The following SDK1 variants were observed in gnomAD, a reference collection of about 807,000 sequenced individuals.
SDK1 encodes the protein protein sidekick-1.
In SDK1, 157 loss-of-function variants were observed where a neutral mutation model predicts 245.5. The ratio of observed to expected loss-of-function variants is 0.64; its 90% confidence interval spans 0.56 to 0.73. The LOEUF is 0.73. Ranked by LOEUF, SDK1 falls within the 30% of genes least tolerant of loss-of-function variation. The probability of loss-of-function intolerance (pLI) is 0.00; values close to 1 mark genes in which losing one functional copy is unlikely to be tolerated. For synonymous variants in SDK1, 1,647 were observed against 1,278.5 expected (o/e 1.29, Z -6.15); for missense variants, 3,583 against 3,002.3 (o/e 1.19, Z -4.52).
At chr7:3,391,515 T>G (rs908379458) in intron 1 of SDK1, among the ~76,000 whole-genome samples, 1 of 152,114 alleles carries the variant, frequency 6.6e-6, no homozygotes, top group East Asian at 1.9e-4. Flanking sequence ...AAAATTTCTT[T>G]CCACAAAGGA....
At chr7:3,553,492 C>T (rs1247660289) in intron 1 of SDK1, among the ~76,000 whole-genome samples, 1 of 152,102 alleles carries the variant, frequency 6.6e-6, no homozygotes, top group African/African-American at 2.4e-5. Context: ...GACACAATGG[C>T]AGGGCATCTC....
intron 1 of SDK1, among the ~76,000 whole-genome samples, chr7:3,596,915 G>A (rs558128447): frequency 5.3e-5 from 8 of 152,258 alleles, no homozygotes; most frequent in African/African-American, 1.2e-4. Flanking sequence ...ACAGCTTAGC[G>A]TCTGCCTTAC....
chr7:3,800,972 C>G (rs1399475574), intron 4 of SDK1, among the ~76,000 whole-genome samples: 2 of 152,144 alleles, frequency 1.3e-5, no homozygotes, highest in African/African-American at 4.8e-5. Context: ...TTTTTACACC[C>G]TTTGTCCTTC....
intron 5 of SDK1, among the ~76,000 whole-genome samples, chr7:3,942,127 C>T (rs918891855): frequency 6.6e-6 from 1 of 152,052 alleles, no homozygotes; most frequent in Non-Finnish European, 1.5e-5. Flanking sequence ...AGGATGGTCT[C>T]GATCTCCTGA....
At chr7:4,173,897 C>G (rs684443) in intron 32 of SDK1, among the ~76,000 whole-genome samples, 120,004 of 152,220 alleles carry the variant, frequency 0.79, 48,045 homozygotes, top group African/African-American at 0.94. Context: ...CACACAGCAC[C>G]CAGCCTCCTC....
intron 30 of SDK1, among the ~76,000 whole-genome samples, chr7:4,154,823 G>A (rs1305498004): frequency 1.3e-5 from 2 of 152,150 alleles, no homozygotes; most frequent in African/African-American, 4.8e-5. Flanking sequence ...GCTTGGAAGT[G>A]TGAACAGAGT....
At chr7:3,948,664 C>T (rs965116199) in intron 5 of SDK1, among the ~76,000 whole-genome samples, 12 of 152,210 alleles carry the variant, frequency 7.9e-5, no homozygotes, top group African/African-American at 2.9e-4. Flanking sequence ...GCGGTGCCTG[C>T]GGCACTTGGC....
intron 4 of SDK1, among the ~76,000 whole-genome samples, chr7:3,701,939 A>G (rs113764051): frequency 0.021 from 3,084 of 149,990 alleles, 111 homozygotes; most frequent in African/African-American, 0.073. Flanking sequence ...AAAAAAAAAA[A>G]AAAAAAGAAA....
At chr7:3,310,524 G>A (rs1481089058) in intron 1 of SDK1, among the ~76,000 whole-genome samples, 1 of 152,150 alleles carries the variant, frequency 6.6e-6, no homozygotes, top group Non-Finnish European at 1.5e-5. Context: ...GAAGGTGAAT[G>A]AGAAAACATC....
At chr7:4,015,591 T>C (rs572927811) in intron 16 of SDK1, among the ~76,000 whole-genome samples, 1 of 152,364 alleles carries the variant, frequency 6.6e-6, no homozygotes, top group East Asian at 1.9e-4. Context: ...GTCGGTGATC[T>C]GAACACCACC....
intron 1 of SDK1, among the ~76,000 whole-genome samples, chr7:3,503,614 C>T (rs571150146): frequency 6.6e-6 from 1 of 152,198 alleles, no homozygotes; most frequent in South Asian, 2.1e-4. Context: ...GGGTTTGAGG[C>T]TGCAGTACGC....
intron 4 of SDK1, among the ~76,000 whole-genome samples, chr7:3,742,012 A>ATATATATATATATG (rs1554256842): frequency 8.5e-4 from 123 of 145,256 alleles, no homozygotes; most frequent in Non-Finnish European, 1.5e-3. Flanking sequence ...ATATATATAT[A>ATATATATATATATG]TGCTGTATTT....
intron 5 of SDK1, among the ~76,000 whole-genome samples, chr7:3,933,601 T>G (rs1780056991): frequency 6.6e-6 from 1 of 152,182 alleles, no homozygotes. Context: ...TTCATGCTCC[T>G]CAAACTTGAA....
intron 1 of SDK1, among the ~76,000 whole-genome samples, chr7:3,452,665 A>G (rs1247288914): frequency 6.6e-6 from 1 of 152,172 alleles, no homozygotes; most frequent in African/African-American, 2.4e-5. Flanking sequence ...AACTTCCTAC[A>G]ATATTGTCCT....
intron 13 of SDK1, among the ~76,000 whole-genome samples, chr7:3,975,749 C>T (rs1429840233): frequency 6.6e-6 from 1 of 152,386 alleles, no homozygotes; most frequent in East Asian, 1.9e-4. Flanking sequence ...CCCATCCCAA[C>T]TCCTGTTCTG....
chr7:3,845,595 G>C (rs1417091166), intron 5 of SDK1, among the ~76,000 whole-genome samples: 1 of 151,334 alleles, frequency 6.6e-6, no homozygotes, highest in Non-Finnish European at 1.5e-5. Context: ...CTGGAAACCA[G>C]GTAACAAAAG....
At chr7:4,219,384 G>A (rs563869678) in intron 38 of SDK1, among the ~76,000 whole-genome samples, 1 of 152,308 alleles carries the variant, frequency 6.6e-6, no homozygotes, top group African/African-American at 2.4e-5. Context: ...GAGATTTAAT[G>A]GACTCACAGT....
chr7:3,534,612 A>G (rs1387402129), intron 1 of SDK1, among the ~76,000 whole-genome samples: 1 of 151,990 alleles, frequency 6.6e-6, no homozygotes, highest in Non-Finnish European at 1.5e-5. Context: ...TTAGCTTTGC[A>G]TGTTACTGCT....
rs1406581887 is a variant in SDK1 at position 4,178,676 on chromosome 7, C to T, written c.5098+90C>T. 10 of 879,510 alleles carry T rather than the reference C, an allele frequency of 1.1e-5. No homozygotes were observed. In the African/African-American group the frequency reaches 1.5e-4, roughly 13 times the overall value. The allele number at this position is 879,510 out of a possible 1,614,324, so 54.5% of individuals were successfully genotyped here. ...CGCTGCGGCCAAGCCCCTCAGGTGT[C>T]CAGCAGCGTTCTTTCTCCTTGAACA... On this transcript the variant is annotated intron_variant, in intron 35 of 44. Coordinates refer to ENST00000404826, the MANE Select transcript of SDK1 (RefSeq NM_152744.4).
Sources: allele counts gnomAD v4.1 joint callset (sites outside exome capture counted in the v4.1 genomes callset), GRCh38; gene constraint gnomAD v4.1.1; transcripts MANE v1.5; gene names NCBI Gene and HGNC (gene_info 2026-07-23, HGNC 2026-07-21).